Variants in USF2 observed in about 807,000 individuals in gnomAD.
The protein encoded by USF2 is upstream stimulatory factor 2.
Under a neutral mutation model 46.9 loss-of-function variants are expected in USF2, and 16 were observed. The ratio of observed to expected loss-of-function variants is 0.34; its 90% CI spans 0.23 to 0.52. USF2 has a LOEUF of 0.52. USF2 is among the 20% of genes least tolerant of loss of function. The pLI is 0.96. For missense variants in USF2, 411 were observed against 474.0 expected (o/e 0.87, Z 1.23); for synonymous variants, 239 against 194.1 (o/e 1.23, Z -1.92).
intron 6 of USF2, 64 bp from the exon 7 acceptor site, chr19:35,271,019 G>A (rs1384925344): frequency 6.3e-7 from 1 of 1,592,364 alleles, no homozygotes; most frequent in Non-Finnish European, 8.6e-7. Context: ...CTAATACTTA[G>A]CAGATGCTTG....
chr19:35,276,470 C>T (rs1175365614), intron 7 of USF2, among the ~76,000 whole-genome samples: 3 of 152,260 alleles, frequency 2.0e-5, no homozygotes, highest in Middle Eastern at 3.4e-3. Context: ...GATGGTCTTC[C>T]GAAGCCACAG....
chr19:35,272,974 G>A (rs924889119), intron 7 of USF2, among the ~76,000 whole-genome samples: 4 of 151,656 alleles, frequency 2.6e-5, no homozygotes, highest in South Asian at 2.1e-4. Flanking sequence ...AAGCACAGCC[G>A]CCCCGGGCAC....
Position 35,269,582 on chromosome 19 carries a change from C to G in USF2, c.111C>G (p.Gly37=), listed in dbSNP as rs756757322. 6.3e-7 allele frequency: 1 copy of G among 1,584,940 alleles called. No individual in the cohort carries two copies. Reference sequence around the variant, plus strand: ...TGCCCCGACCCTCCTCGGCCCCAGGCGGGGACGGCCCAGGAGCGGAGGAGC... The same window carrying G: ...TGCCCCGACCCTCCTCGGCCCCAGGGGGGGACGGCCCAGGAGCGGAGGAGC... ...EAEEGVELQE[G]GDGPGAEEQT... The change falls in exon 3 of 10, where the codon GGC becomes GGG. Residue 37 remains glycine, a splice_region_variant and synonymous_variant. Coordinates refer to ENST00000222305, the MANE Select transcript of USF2 (RefSeq NM_003367.4).
Position 35,279,189 on chromosome 19 carries a change from A to G in USF2, c.974A>G (p.Asn325Ser), listed in dbSNP as rs968843676. Residue 325 changes from asparagine (N) to serine (S), a missense_variant, in exon 10 of 10, where the codon AAC becomes AGC. Physicochemically the swap from Asn to Ser is conservative, Grantham distance 46. Transcript: ENST00000222305. Reference sequence around the variant, plus strand: ...CAGATCGAGGAGCTGAAGAATGAGAACGCCCTGCTTCGAGCCCAGCTGCAG... The same window carrying G: ...CAGATCGAGGAGCTGAAGAATGAGAGCGCCCTGCTTCGAGCCCAGCTGCAG... The part of the protein sequence containing the change: ...RQQIEELKNE[N>S]ALLRAQLQQH... 13 of 1,605,428 alleles carry G rather than the reference A, an allele frequency of 8.1e-6. No homozygotes were observed. Among genetic ancestry groups the G allele is most frequent in the African/African-American group, 1.3e-5 (1 of 74,656 alleles).
intron 7 of USF2, among the ~76,000 whole-genome samples, chr19:35,276,093 A>ATTTTTTTTT: frequency 9.4e-6 from 1 of 106,918 alleles, no homozygotes. Flanking sequence ...TTTTTTTGAG[A>ATTTTTTTTT]CAGAGTCTCG....
At chr19:35,273,086 C>G (rs1181915091) in intron 7 of USF2, among the ~76,000 whole-genome samples, 1 of 151,822 alleles carries the variant, frequency 6.6e-6, no homozygotes, top group Non-Finnish European at 1.5e-5. Context: ...CTTAGTTAAT[C>G]TGACTCCAGG....
chr19:35,274,706 T>C (rs1244923626), intron 7 of USF2, among the ~76,000 whole-genome samples: 1 of 152,210 alleles, frequency 6.6e-6, no homozygotes, highest in Non-Finnish European at 1.5e-5. Flanking sequence ...CTTGGGAACC[T>C]GTGGTGGGAA....
At chr19:35,270,972 T>C in intron 6 of USF2, 111 bp from the exon 7 acceptor site, 2 of 1,495,108 alleles carry the variant, frequency 1.3e-6, no homozygotes, top group Non-Finnish European at 1.8e-6. Flanking sequence ...CTTTTGTTTT[T>C]GCAGATGGAT....
intron 7 of USF2, among the ~76,000 whole-genome samples, chr19:35,271,375 T>A (rs1599624453): frequency 6.6e-6 from 1 of 152,164 alleles, no homozygotes; most frequent in Admixed American, 6.5e-5. Flanking sequence ...ACCCGGCTGG[T>A]GATCTTGAAT....
At chr19:35,270,177 C>G in intron 4 of USF2, 174 bp downstream of exon 4, 2 of 966,982 alleles carry the variant, frequency 2.1e-6, no homozygotes, top group African/African-American at 1.7e-5. Context: ...GGGGACAGTG[C>G]TCTTGGAATT....
chr19:35,278,979 T>C lies in USF2; in HGVS notation c.856T>C (p.Tyr286His). The C allele has an allele frequency of 6.4e-7, 1 of 1,555,104 alleles. No homozygotes were observed. Among genetic ancestry groups the C allele is most frequent in the Non-Finnish European group, 8.7e-7 (1 of 1,149,694 alleles). Residue 286 changes from tyrosine (Y) to histidine (H), a missense_variant, in exon 9 of 10, where the codon TAC becomes CAC. Physicochemically the swap from Tyr to His is moderately conservative, Grantham distance 83. Coordinates refer to ENST00000222305, the MANE Select transcript of USF2 (RefSeq NM_003367.4). ...KGGILSKACDYIRELRQTNQR... is the reference protein window; with the variant it reads ...KGGILSKACDHIRELRQTNQR... ...AGGGATCCTGTCCAAGGCCTGCGAT[T>C]ACATCCGGGAGTTGCGCCAGACCAA...
Position 35,279,364 on chromosome 19 carries a change from T to C in USF2, c.*108T>C. The stretch of plus-strand genomic sequence containing the variant: ...CATGCCCCTCCCCCAGCTGCGTTTT[T>C]TTATAGTAGATTTTTAACAAAAAAC... On this transcript the variant is annotated 3_prime_UTR_variant, in exon 10 of 10. Transcript: ENST00000222305. 2.5e-6 allele frequency: 3 copies of C among 1,209,872 alleles called. No individual in the cohort carries two copies. Among genetic ancestry groups the C allele is most frequent in the Non-Finnish European group, 3.3e-6 (3 of 918,280 alleles). The allele number at this position is 1,209,872 out of a possible 1,614,324, so 74.9% of individuals were successfully genotyped here.
Position 35,279,379 on chromosome 19 carries a change from TA to T in USF2, c.*125del. On this transcript the variant is annotated 3_prime_UTR_variant, in exon 10 of 10. Coordinates refer to ENST00000222305, the MANE Select transcript of USF2 (RefSeq NM_003367.4). ...GCTGCGTTTTTTTATAGTAGATTTT[TA>T]ACAAAAAACGGGGAGAAATAATGCA... 1 of 1,109,554 alleles carries T rather than the reference TA, an allele frequency of 9.0e-7. No individual in the cohort carries two copies. Among genetic ancestry groups the T allele is most frequent in the Non-Finnish European group, 1.2e-6 (1 of 825,778 alleles). 68.7% of individuals were successfully genotyped at this position (1,109,554 alleles called of 1,614,324 possible). A position where few individuals can be genotyped will look rare whatever the true frequency, so the allele number is the denominator to read the frequency against.
rs1482533972 is a variant in USF2 at position 35,269,698 on chromosome 19, A to G, written c.227A>G (p.Gln76Arg). ...YQFRTETNGG[Q>R]VTYRVVQVTD... Reference sequence around the variant, plus strand: ...TTCCGCACAGAGACAAATGGAGGACAGGTGAGCGGCGGGCCGCGAGGGCGA... The same window carrying G: ...TTCCGCACAGAGACAAATGGAGGACGGGTGAGCGGCGGGCCGCGAGGGCGA... The change falls in exon 3 of 10, where the codon CAG becomes CGG. Residue 76 changes from glutamine to arginine, a missense_variant and splice_region_variant. By Grantham distance (43) the Gln-to-Arg change is conservative. Coordinates refer to ENST00000222305, the MANE Select transcript of USF2 (RefSeq NM_003367.4). The G allele has an allele frequency of 2.7e-6, 2 of 747,510 alleles. No individual in the cohort carries two copies. The highest frequency in any genetic ancestry group is 3.5e-6 in the Non-Finnish European group (2 of 574,876). The allele number at this position is 747,510 out of a possible 1,614,324, so 46.3% of individuals were successfully genotyped here.
chr19:35,272,671 C>G (rs2066174010), intron 7 of USF2, among the ~76,000 whole-genome samples: 1 of 151,642 alleles, frequency 6.6e-6, no homozygotes, highest in Admixed American at 6.6e-5. Flanking sequence ...GTTGTGGAGG[C>G]TGTTGGCAAG....
chr19:35,279,095 G>C, intron 9 of USF2, 21 bp downstream of exon 9: 1 of 1,612,460 alleles, frequency 6.2e-7, no homozygotes, highest in Non-Finnish European at 8.5e-7. Flanking sequence ...GGCCTGGAGC[G>C]GGTCAGGGCC....
intron 7 of USF2, 43 bp from the exon 8 acceptor site, chr19:35,278,655 T>C (rs1312788999): frequency 1.2e-6 from 2 of 1,604,658 alleles, no homozygotes; most frequent in Admixed American, 1.7e-5. Flanking sequence ...CGCTCAGGCA[T>C]GATCCGTCAG....
intron 7 of USF2, among the ~76,000 whole-genome samples, 176 bp downstream of exon 7, chr19:35,271,317 TC>T (rs1335217855): frequency 6.6e-6 from 1 of 152,178 alleles, no homozygotes; most frequent in Non-Finnish European, 1.5e-5. Context: ...GAGTACAGTG[TC>T]AGAAGTAGAG....
intron 6 of USF2, 46 bp downstream of exon 6, chr19:35,270,851 A>G: frequency 1.9e-6 from 3 of 1,609,706 alleles, no homozygotes; most frequent in Non-Finnish European, 2.6e-6. Flanking sequence ...AAATGGAAGG[A>G]AGAGGGGTTT....
Sources: gnomAD v4.1 joint callset for allele counts (sites outside exome capture counted in the v4.1 genomes callset) on GRCh38, gnomAD v4.1.1 for gene constraint, MANE v1.5 for transcripts, NCBI Gene and HGNC (gene_info 2026-07-23, HGNC 2026-07-21) for gene names.